Variants in ASIP observed in about 807,000 individuals in gnomAD.
ASIP encodes agouti-signaling protein.
A neutral mutation model predicts 10.3 loss-of-function variants in ASIP; 11 were observed. The ratio of observed to expected loss-of-function variants is 1.07; its 90% CI spans 0.68 to 1.78. The LOEUF (loss-of-function observed/expected upper bound fraction) is 1.78. Among genes scored for constraint, ASIP ranks in the 40% most tolerant of loss-of-function variants. The pLI, the probability that ASIP is intolerant of heterozygous loss-of-function variation, is 0.00. For synonymous variants in ASIP, 70 were observed against 70.8 expected (o/e 0.99, Z 0.06); for missense variants, 180 against 169.2 (o/e 1.06, Z -0.35).
At position 34,201,032 on chromosome 20, in the gene ASIP, C is replaced by CTTTCTT. The variant is rs1277429374; in HGVS notation, c.-11+6274_-11+6279dup. On this transcript the variant is annotated intron_variant, in intron 1 of 3. Coordinates refer to the ASIP transcript ENST00000568305. ...TCCTTCCTTCCTTCTTTCTTTCTTT[C>CTTTCTT]TTTCTTTCTTTCTTTCTTTCTTTCT... Among the ~76,000 whole-genome samples the CTTTCTT allele has an allele frequency of 1.3e-3, 123 of 97,074 alleles. 3 individuals are homozygous for CTTTCTT. The highest frequency in any genetic ancestry group is 6.6e-3 in the African/African-American group (121 of 18,250). 63.7% of individuals were successfully genotyped at this position (97,074 alleles called of 152,430 possible).
intron 1 of ASIP, among the ~76,000 whole-genome samples, chr20:34,256,715 A>G (rs552775504): frequency 5.7e-4 from 87 of 152,330 alleles, no homozygotes; most frequent in Non-Finnish European, 1.1e-3. Flanking sequence ...AAGACACAAA[A>G]TAACTACACG....
chr20:34,249,102 C>G (rs2035430082), intron 1 of ASIP, among the ~76,000 whole-genome samples: 1 of 151,940 alleles, frequency 6.6e-6, no homozygotes, highest in Admixed American at 6.6e-5. Flanking sequence ...GCACTCCAGC[C>G]TGGGTGACAG....
At chr20:34,234,043 C>G (rs1353346483) in intron 1 of ASIP, among the ~76,000 whole-genome samples, 1 of 152,172 alleles carries the variant, frequency 6.6e-6, no homozygotes, top group Non-Finnish European at 1.5e-5. Context: ...ACACAGAGTC[C>G]CTTACTTTGT....
Position 34,269,303 on chromosome 20 carries a change from C to A in ASIP, c.*136C>A. The A allele has an allele frequency of 1.8e-6, 2 of 1,122,252 alleles. No individual in the cohort carries two copies. Among genetic ancestry groups the A allele is most frequent in the Non-Finnish European group, 2.4e-6 (2 of 828,768 alleles). The allele number at this position is 1,122,252 out of a possible 1,614,324, so 69.5% of individuals were successfully genotyped here. ...CCAGGAGATGGGACTTCAGGGAGAC[C>A]TGGCTTGGGCTAAAATCGAAATACA... On this transcript the variant is annotated 3_prime_UTR_variant, in exon 4 of 4. Coordinates refer to ENST00000374954, the MANE Select transcript of ASIP (RefSeq NM_001672.3).
intron 1 of ASIP, among the ~76,000 whole-genome samples, chr20:34,224,808 G>A (rs2035081452): frequency 6.6e-6 from 1 of 151,384 alleles, no homozygotes; most frequent in Non-Finnish European, 1.5e-5. Flanking sequence ...AAAAAGCAAG[G>A]TCTAATATTC....
intron 1 of ASIP, among the ~76,000 whole-genome samples, chr20:34,195,022 G>C (rs1178266496): frequency 6.6e-6 from 1 of 151,788 alleles, no homozygotes; most frequent in Non-Finnish European, 1.5e-5. Flanking sequence ...CAGAATCACA[G>C]TTTCTTGCTT....
At chr20:34,204,987 C>T (rs1312833513) in intron 1 of ASIP, among the ~76,000 whole-genome samples, 3 of 152,184 alleles carry the variant, frequency 2.0e-5, no homozygotes, top group African/African-American at 7.2e-5. Context: ...TCCAAATCTA[C>T]TCTTCTAGTT....
At chr20:34,216,669 T>C (rs1446216362) in intron 1 of ASIP, among the ~76,000 whole-genome samples, 1 of 152,200 alleles carries the variant, frequency 6.6e-6, no homozygotes, top group African/African-American at 2.4e-5. Flanking sequence ...ACACATCTGT[T>C]AAACAGGCAT....
At chr20:34,235,917 A>G (rs1471433685) in intron 1 of ASIP, among the ~76,000 whole-genome samples, 2 of 131,074 alleles carry the variant, frequency 1.5e-5, no homozygotes, top group East Asian at 4.8e-4. Flanking sequence ...GAAGGAAGGA[A>G]GGAAGGAAGG....
chr20:34,235,705 G>A (rs8119423), intron 1 of ASIP, among the ~76,000 whole-genome samples: 2,405 of 149,864 alleles, frequency 0.016, 71 homozygotes, highest in African/African-American at 0.056. Context: ...GATTGCTAGA[G>A]CCCAGGAAGT....
chr20:34,239,102 A>T (rs1198450497), upstream of ASIP, among the ~76,000 whole-genome samples: 1 of 152,082 alleles, frequency 6.6e-6, no homozygotes, highest in Non-Finnish European at 1.5e-5. Context: ...TTCTCTAGAA[A>T]CTTGATATCT....
chr20:34,262,715 G>A (rs1299717620), intron 2 of ASIP, 117 bp from the exon 3 acceptor site: 9 of 1,114,474 alleles, frequency 8.1e-6, no homozygotes, highest in Admixed American at 3.6e-5. Flanking sequence ...CATCCAGCAC[G>A]CTTCTTCTCC....
At chr20:34,223,727 G>A (rs1433045196) in intron 1 of ASIP, among the ~76,000 whole-genome samples, 1 of 142,396 alleles carries the variant, frequency 7.0e-6, no homozygotes, top group African/African-American at 2.7e-5. Flanking sequence ...GTGCCCAACA[G>A]CTCATTGAGA....
At chr20:34,237,315 T>G (rs993361848), upstream of ASIP, among the ~76,000 whole-genome samples, 3 of 152,198 alleles carry the variant, frequency 2.0e-5, no homozygotes, top group Non-Finnish European at 4.4e-5. Flanking sequence ...ATCTGTAGAT[T>G]GCTTATATTT....
chr20:34,242,617 TG>T (rs1397230239), intron 1 of ASIP, among the ~76,000 whole-genome samples: 1 of 152,236 alleles, frequency 6.6e-6, no homozygotes, highest in African/African-American at 2.4e-5. Context: ...CAAAACAAAA[TG>T]AAAAACACTT....
intron 1 of ASIP, among the ~76,000 whole-genome samples, chr20:34,198,852 T>G (rs1276944919): frequency 6.6e-6 from 1 of 152,174 alleles, no homozygotes; most frequent in Non-Finnish European, 1.5e-5. Flanking sequence ...GAATTTTCAC[T>G]ATGTGAACAC....
At chr20:34,193,370 G>T (rs2034836249), upstream of ASIP, among the ~76,000 whole-genome samples, 1 of 152,204 alleles carries the variant, frequency 6.6e-6, no homozygotes. Context: ...GAACCAGGGG[G>T]TCCCAGAGAG....
intron 1 of ASIP, chr20:34,214,038 C>T (rs542925278): frequency 8.8e-5 from 122 of 1,387,388 alleles, no homozygotes; most frequent in Non-Finnish European, 1.2e-4. Flanking sequence ...TCCTTTCTGC[C>T]GGGTATTCAT....
chr20:34,269,175 C>G lies in ASIP; in HGVS notation c.*8C>G, dbSNP rs932609633. The G allele has an allele frequency of 5.3e-6, 8 of 1,498,530 alleles. No homozygotes were observed. The highest frequency in any genetic ancestry group is 3.8e-5 in the South Asian group (3 of 78,380). The allele number at this position is 1,498,530 out of a possible 1,614,324, so 92.8% of individuals were successfully genotyped here. A position where few individuals can be genotyped will look rare whatever the true frequency, so the allele number is the denominator to read the frequency against. On this transcript the variant is annotated 3_prime_UTR_variant, in exon 4 of 4. Transcript: ENST00000374954. ...CTCAGCCTCAACTGCTGAGCGCCCCCACTCCCGGCCGCGAGCAGGCAGGGC... is the reference window on the plus strand; with the variant it reads ...CTCAGCCTCAACTGCTGAGCGCCCCGACTCCCGGCCGCGAGCAGGCAGGGC...
Sources: gnomAD v4.1 joint callset for allele counts (sites outside exome capture counted in the v4.1 genomes callset) on GRCh38, gnomAD v4.1.1 for gene constraint, MANE v1.5 for transcripts, NCBI Gene and HGNC (gene_info 2026-07-23, HGNC 2026-07-21) for gene names.